Variants in LINGO2 observed in about 807,000 individuals in gnomAD.
LINGO2 encodes the protein leucine rich repeat and Ig domain containing 2, also known as leucine-rich repeat and immunoglobulin-like domain-containing nogo receptor-interacting protein 2.
LINGO2 carries 14 observed loss-of-function variants against 30.6 expected under a neutral mutation model. The ratio of observed to expected loss-of-function variants is 0.46; its 90% CI spans 0.30 to 0.72. The LOEUF (loss-of-function observed/expected upper bound fraction) is 0.72. Among genes scored for constraint, LINGO2 ranks in the 30% least tolerant of loss-of-function variants. The pLI is 0.07. For missense variants in LINGO2, 729 were observed against 751.7 expected (o/e 0.97, Z 0.35); for synonymous variants, 317 against 288.5 (o/e 1.10, Z -1.00).
the LINGO2 span, among the ~76,000 whole-genome samples, chr9:29,128,132 T>C: frequency 2.1e-3 from 315 of 152,184 alleles, 1 homozygote; most frequent in African/African-American, 7.3e-3. Flanking sequence ...TAGTAGGCCA[T>C]TGCCTCTCGA....
At chr9:28,522,332 A>G (rs1032923251) in intron 1 of LINGO2, among the ~76,000 whole-genome samples, 2 of 152,188 alleles carry the variant, frequency 1.3e-5, no homozygotes, top group African/African-American at 4.8e-5. Flanking sequence ...AGGAAATCAA[A>G]GGAGACAGAT....
intron 4 of LINGO2, among the ~76,000 whole-genome samples, chr9:28,124,880 C>T (rs1291001461): frequency 6.6e-6 from 1 of 152,190 alleles, no homozygotes; most frequent in African/African-American, 2.4e-5. Context: ...AAAATAAATA[C>T]TACCAGTAAT....
chr9:28,523,376 G>A (rs1041394038), intron 1 of LINGO2, among the ~76,000 whole-genome samples: 7 of 152,086 alleles, frequency 4.6e-5, no homozygotes, highest in Non-Finnish European at 1.0e-4. Flanking sequence ...AATGGTGAAA[G>A]ACTTAATATG....
At chr9:28,998,792 T>C in the LINGO2 span, among the ~76,000 whole-genome samples, 1 of 152,064 alleles carries the variant, frequency 6.6e-6, no homozygotes, top group Admixed American at 6.6e-5. Context: ...GCCACCTGCT[T>C]TTAAAAACAG....
chr9:28,911,112 T>C, the LINGO2 span, among the ~76,000 whole-genome samples: 1 of 152,014 alleles, frequency 6.6e-6, no homozygotes, highest in African/African-American at 2.4e-5. Flanking sequence ...AGGGAATATA[T>C]GATCTGGGTC....
chr9:29,188,912 C>A, the LINGO2 span, among the ~76,000 whole-genome samples: 1 of 148,258 alleles, frequency 6.7e-6, no homozygotes, highest in African/African-American at 2.5e-5. Flanking sequence ...GGTGGCCGGG[C>A]AGAGGCGCCC....
At chr9:29,013,550 T>C in the LINGO2 span, among the ~76,000 whole-genome samples, 3 of 152,248 alleles carry the variant, frequency 2.0e-5, no homozygotes, top group Admixed American at 6.5e-5. Flanking sequence ...ATATAGCCAC[T>C]TAGAGTGTTA....
chr9:28,624,703 G>T (rs928036191), intron 1 of LINGO2, among the ~76,000 whole-genome samples: 1 of 151,040 alleles, frequency 6.6e-6, no homozygotes, highest in Non-Finnish European at 1.5e-5. Flanking sequence ...AGTTTTAGAA[G>T]TATTCTCTCC....
At chr9:28,988,542 G>T in the LINGO2 span, among the ~76,000 whole-genome samples, 1 of 152,112 alleles carries the variant, frequency 6.6e-6, no homozygotes, top group Admixed American at 6.5e-5. Flanking sequence ...AGCAATTACT[G>T]ATATGTAAGG....
At chr9:28,536,286 T>C (rs1446358831) in intron 1 of LINGO2, among the ~76,000 whole-genome samples, 2 of 152,122 alleles carry the variant, frequency 1.3e-5, no homozygotes, top group African/African-American at 2.4e-5. Flanking sequence ...CTTTTAATCA[T>C]ATAAATCAAA....
At chr9:28,133,878 C>T (rs1827442543) in intron 4 of LINGO2, among the ~76,000 whole-genome samples, 1 of 152,090 alleles carries the variant, frequency 6.6e-6, no homozygotes, top group South Asian at 2.1e-4. Flanking sequence ...TTACTAATGC[C>T]CAAATTTATA....
At chr9:28,990,716 C>T in the LINGO2 span, among the ~76,000 whole-genome samples, 63 of 151,852 alleles carry the variant, frequency 4.1e-4, no homozygotes, top group South Asian at 3.1e-3. Context: ...CGCTGTTCTG[C>T]AGCCACCACT....
At chr9:27,962,412 A>G (rs560054435) in intron 5 of LINGO2, among the ~76,000 whole-genome samples, 165 of 152,222 alleles carry the variant, frequency 1.1e-3, no homozygotes, top group Non-Finnish European at 1.9e-3. Context: ...ATCATGGCCA[A>G]AACTGAACTA....
chr9:27,989,349 C>G (rs947810697), intron 5 of LINGO2, among the ~76,000 whole-genome samples: 3 of 151,840 alleles, frequency 2.0e-5, no homozygotes, highest in South Asian at 2.1e-4. Flanking sequence ...AAGATACATT[C>G]AGATGGGGAT....
At chr9:28,280,746 A>G (rs2134125936) in intron 4 of LINGO2, among the ~76,000 whole-genome samples, 1 of 152,264 alleles carries the variant, frequency 6.6e-6, no homozygotes, top group Non-Finnish European at 1.5e-5. Context: ...TGATAGTGCC[A>G]TAGACTGAAT....
the LINGO2 span, among the ~76,000 whole-genome samples, chr9:29,212,644 C>G: frequency 6.6e-6 from 1 of 152,138 alleles, no homozygotes; most frequent in Non-Finnish European, 1.5e-5. Context: ...ACCCAAAACC[C>G]AAATCCACGC....
chr9:28,837,982 T>C, the LINGO2 span, among the ~76,000 whole-genome samples: 1 of 152,008 alleles, frequency 6.6e-6, no homozygotes, highest in Non-Finnish European at 1.5e-5. Flanking sequence ...TATAAAACTA[T>C]TCCCTTCAAA....
At chr9:28,841,731 G>C in the LINGO2 span, among the ~76,000 whole-genome samples, 4 of 151,706 alleles carry the variant, frequency 2.6e-5, no homozygotes, top group Non-Finnish European at 5.9e-5. Flanking sequence ...AGTAAGCAAT[G>C]AGTATTTAGG....
intron 4 of LINGO2, among the ~76,000 whole-genome samples, chr9:28,154,073 C>T (rs1828068591): frequency 6.6e-6 from 1 of 152,072 alleles, no homozygotes; most frequent in Admixed American, 6.6e-5. Context: ...TTTAATACTC[C>T]ATTCATTTGC....
Sources: gnomAD v4.1 joint callset for allele counts (sites outside exome capture counted in the v4.1 genomes callset) on GRCh38, gnomAD v4.1.1 for gene constraint, MANE v1.5 for transcripts, NCBI Gene and HGNC (gene_info 2026-07-23, HGNC 2026-07-21) for gene names.